Variants in BANP observed in about 807,000 individuals in gnomAD.
BANP encodes protein BANP.
BANP carries 11 observed loss-of-function variants against 68.1 expected under a neutral mutation model. The observed-to-expected ratio is 0.16, with a 90% CI of 0.10 to 0.27. The LOEUF (loss-of-function observed/expected upper bound fraction) is 0.27. BANP is among the 10% of genes least tolerant of loss of function. The probability of loss-of-function intolerance (pLI) is 1.00; values close to 1 mark genes in which losing one functional copy is unlikely to be tolerated. For synonymous variants in BANP, 329 were observed against 303.2 expected, an observed-to-expected ratio of 1.09 and a Z score of -0.88; for missense variants, 504 against 722.7, an observed-to-expected ratio of 0.70 and a Z score of 3.47.
At chr16:87,969,589 A>G (rs1209549347) in intron 1 of BANP, among the ~76,000 whole-genome samples, 3 of 150,876 alleles carry the variant, frequency 2.0e-5, no homozygotes, top group Non-Finnish European at 4.4e-5. Flanking sequence ...GTGGAGTGCA[A>G]TGGCGTGATC....
At chr16:88,042,426 G>A (rs2081056911) in intron 11 of BANP, among the ~76,000 whole-genome samples, 1 of 152,150 alleles carries the variant, frequency 6.6e-6, no homozygotes, top group South Asian at 2.1e-4. Flanking sequence ...TCAGCTCTGG[G>A]CCCCTGTGGC....
chr16:87,974,345 T>C (rs954936806), intron 1 of BANP, among the ~76,000 whole-genome samples: 34 of 152,206 alleles, frequency 2.2e-4, no homozygotes, highest in African/African-American at 8.2e-4. Flanking sequence ...CTGACTGTGT[T>C]TCAGACACTG....
intron 2 of BANP, among the ~76,000 whole-genome samples, chr16:87,975,730 C>A (rs549927022): frequency 3.4e-5 from 5 of 148,268 alleles, no homozygotes; most frequent in African/African-American, 1.0e-4. Flanking sequence ...GTCATGGAAC[C>A]TTCCCATGTT....
chr16:88,034,972 C>G, intron 9 of BANP: 1 of 210,426 alleles, frequency 4.8e-6, no homozygotes, highest in South Asian at 8.8e-5. Context: ...TCGTCCTGCT[C>G]TGTCCAGCCC....
At chr16:88,074,544 G>A (rs2091183611) in intron 13 of BANP, among the ~76,000 whole-genome samples, 1 of 152,104 alleles carries the variant, frequency 6.6e-6, no homozygotes, top group Admixed American at 6.5e-5. Context: ...ACCAGCCTCT[G>A]CCCAGAACAC....
At chr16:87,990,514 G>GT (rs1445506295) in intron 4 of BANP, among the ~76,000 whole-genome samples, 1 of 152,166 alleles carries the variant, frequency 6.6e-6, no homozygotes, top group Non-Finnish European at 1.5e-5. Flanking sequence ...GGGTAAACCA[G>GT]TTTTTTCAGT....
At chr16:87,985,825 C>T (rs1273825912) in intron 4 of BANP, among the ~76,000 whole-genome samples, 1 of 152,296 alleles carries the variant, frequency 6.6e-6, no homozygotes, top group Non-Finnish European at 1.5e-5. Flanking sequence ...TGAGCAGTTC[C>T]TAATGAACTT....
At chr16:87,999,886 A>C (rs79837793) in intron 4 of BANP, among the ~76,000 whole-genome samples, 1 of 58,478 alleles carries the variant, frequency 1.7e-5, no homozygotes. Context: ...GGCTGTACTT[A>C]CCTGTCCTTC....
chr16:87,956,088 TC>T (rs2057997712), intron 1 of BANP, among the ~76,000 whole-genome samples: 1 of 151,910 alleles, frequency 6.6e-6, no homozygotes, highest in South Asian at 2.1e-4. Context: ...GTCTTGCAGC[TC>T]CCCCGTCAGG....
intron 4 of BANP, among the ~76,000 whole-genome samples, chr16:87,986,300 A>C (rs540702574): frequency 6.6e-5 from 10 of 152,350 alleles, no homozygotes; most frequent in Non-Finnish European, 1.5e-4. Context: ...AGTGCTGGGC[A>C]GGTCATTGTC....
chr16:87,999,661 C>T (rs1291668809), intron 4 of BANP, among the ~76,000 whole-genome samples: 1 of 40,026 alleles, frequency 2.5e-5, no homozygotes, highest in Admixed American at 2.2e-4. Flanking sequence ...CATGCACGCA[C>T]GTGCGCGGCT....
chr16:87,983,618 C>T (rs1396298488), intron 3 of BANP, among the ~76,000 whole-genome samples: 8 of 152,020 alleles, frequency 5.3e-5, no homozygotes, highest in East Asian at 1.9e-4. Flanking sequence ...CAGGGGGTCC[C>T]GTCACCTTTT....
chr16:88,022,540 T>A (rs2076223435), intron 7 of BANP, among the ~76,000 whole-genome samples: 1 of 152,224 alleles, frequency 6.6e-6, no homozygotes, highest in Admixed American at 6.5e-5. Context: ...CGGGGGCCAC[T>A]TCACCCACAC....
At chr16:88,037,076 C>T (rs1254698522) in intron 10 of BANP, among the ~76,000 whole-genome samples, 1 of 152,124 alleles carries the variant, frequency 6.6e-6, no homozygotes, top group African/African-American at 2.4e-5. Flanking sequence ...TTCTTGAATA[C>T]CTGGAAGCCT....
intron 11 of BANP, among the ~76,000 whole-genome samples, chr16:88,056,344 T>C (rs1034265107): frequency 5.3e-5 from 8 of 152,266 alleles, no homozygotes; most frequent in Admixed American, 5.2e-4. Context: ...CTATCATTTT[T>C]GTCCCATTGA....
intron 6 of BANP, among the ~76,000 whole-genome samples, chr16:88,009,067 G>A (rs1598393081): frequency 6.6e-6 from 1 of 152,206 alleles, no homozygotes; most frequent in African/African-American, 2.4e-5. Flanking sequence ...GTATGTAAAT[G>A]TTGGGAAAAT....
chr16:87,968,061 G>T (rs958928009), intron 1 of BANP, among the ~76,000 whole-genome samples: 2 of 147,988 alleles, frequency 1.4e-5, no homozygotes, highest in South Asian at 2.1e-4. Context: ...GCCAGAAAAG[G>T]TTCTACAGGT....
intron 4 of BANP, among the ~76,000 whole-genome samples, chr16:87,988,525 A>G (rs2065046860): frequency 6.6e-6 from 1 of 152,056 alleles, no homozygotes; most frequent in South Asian, 2.1e-4. Context: ...TCGGCCTCCC[A>G]AAGTGCTGGG....
At chr16:88,014,510 CTGTT>C (rs1412404077) in intron 6 of BANP, among the ~76,000 whole-genome samples, 1 of 152,136 alleles carries the variant, frequency 6.6e-6, no homozygotes, top group Non-Finnish European at 1.5e-5. Flanking sequence ...TTTTGACTCA[CTGTT>C]TGAAAAACAA....
Sources: allele counts gnomAD v4.1 joint callset (sites outside exome capture counted in the v4.1 genomes callset), GRCh38; gene constraint gnomAD v4.1.1; transcripts MANE v1.5; gene names NCBI Gene and HGNC (gene_info 2026-07-23, HGNC 2026-07-21).